Variants in VPS13B observed in about 807,000 individuals in gnomAD.
VPS13B encodes the protein vacuolar protein sorting 13 homolog B, also known as intermembrane lipid transfer protein VPS13B.
A neutral mutation model predicts 426.4 loss-of-function variants in VPS13B; 285 were observed. The ratio of observed to expected loss-of-function variants is 0.67; its 90% confidence interval spans 0.61 to 0.74. The LOEUF (loss-of-function observed/expected upper bound fraction) is 0.74. VPS13B is among the 30% of genes least tolerant of loss of function. The pLI is 0.00. For missense variants in VPS13B, 4,537 were observed against 4,782.6 expected (o/e 0.95, Z 1.51); for synonymous variants, 1,676 against 1,676.4 (o/e 1.00, Z 0.01).
chr8:99,047,986 C>T (rs1843319850), intron 3 of VPS13B, among the ~76,000 whole-genome samples: 1 of 152,190 alleles, frequency 6.6e-6, no homozygotes, highest in Non-Finnish European at 1.5e-5. Context: ...CTGTGCTCTG[C>T]TCTATGAACT....
intron 44 of VPS13B, among the ~76,000 whole-genome samples, chr8:99,809,816 T>G (rs1274339510): frequency 6.6e-6 from 1 of 152,158 alleles, no homozygotes; most frequent in African/African-American, 2.4e-5. Context: ...GTGGAGGTGC[T>G]AATGAGCTGT....
At chr8:99,475,770 G>A (rs1393484691) in intron 24 of VPS13B, among the ~76,000 whole-genome samples, 1 of 152,052 alleles carries the variant, frequency 6.6e-6, no homozygotes, top group East Asian at 1.9e-4. Context: ...CAGTTATCTG[G>A]CTTCCAGAGT....
chr8:99,832,447 C>A lies in VPS13B; in HGVS notation c.9409C>A (p.Pro3137Thr), dbSNP rs553756124. ...EQPAMKSSSL[P>T]CWDLMPDISQ... ...GCCTGCTATGAAATCCAGCTCCCTT[C>A]CTTGCTGGGACTTGATGCCTGACAT... Residue 3137 changes from proline (P) to threonine (T), a missense_variant, in exon 52 of 62, where the codon CCT (proline) becomes ACT (threonine). By Grantham distance (38) the Pro-to-Thr change is conservative (BLOSUM62 -1). Transcript: ENST00000357162. 6.2e-7 allele frequency: 1 copy of A among 1,606,966 alleles called. No homozygotes were observed. Among genetic ancestry groups the A allele is most frequent in the Non-Finnish European group, 8.5e-7 (1 of 1,177,544 alleles).
chr8:99,803,601 A>G (rs1813242868), intron 43 of VPS13B, among the ~76,000 whole-genome samples: 1 of 152,216 alleles, frequency 6.6e-6, no homozygotes, highest in African/African-American at 2.4e-5. Flanking sequence ...TTTTAGCATT[A>G]AAAGTTTCAG....
intron 22 of VPS13B, among the ~76,000 whole-genome samples, chr8:99,436,383 T>A (rs1021268846): frequency 6.6e-6 from 1 of 152,188 alleles, no homozygotes; most frequent in Admixed American, 6.5e-5. Flanking sequence ...GTGATTTTCC[T>A]CATTTTTCCT....
intron 31 of VPS13B, among the ~76,000 whole-genome samples, chr8:99,560,903 G>A (rs967922365): frequency 9.2e-5 from 14 of 152,068 alleles, no homozygotes; most frequent in African/African-American, 2.7e-4. Context: ...TCATAACAAA[G>A]AACATGAGCC....
intron 23 of VPS13B, among the ~76,000 whole-genome samples, chr8:99,445,598 A>G (rs1334361183): frequency 1.3e-5 from 2 of 151,372 alleles, no homozygotes. Flanking sequence ...GCTATGTTGG[A>G]AATTATTTTC....
In VPS13B at chr8:99,111,228, T is replaced by C. The variant is rs140808736; in HGVS notation, c.711T>C (p.Arg237=). The C allele has an allele frequency of 8.4e-5, 135 of 1,603,010 alleles. No individual in the cohort carries two copies. In the African/African-American group the frequency reaches 1.3e-3, roughly 16 times the overall value. The change falls in exon 6 of 62, where the codon CGT becomes CGC. Residue 237 remains arginine (R), a synonymous_variant. Transcript: ENST00000357162. ...PLLYKCSFRT[R]LHFTYENLNS... ...TATACAAATGTTCCTTCAGAACTCGTCTTCATTTTACATATGAAAACCTAA... is the reference window on the plus strand; with the variant it reads ...TATACAAATGTTCCTTCAGAACTCGCCTTCATTTTACATATGAAAACCTAA...
chr8:99,479,278 A>G (rs1263146291), intron 24 of VPS13B, among the ~76,000 whole-genome samples: 1 of 152,144 alleles, frequency 6.6e-6, no homozygotes, highest in African/African-American at 2.4e-5. Context: ...AATCTTTTTT[A>G]TGAACAGCTA....
chr8:99,156,004 GC>G (rs539022070), intron 14 of VPS13B, among the ~76,000 whole-genome samples: 72 of 152,250 alleles, frequency 4.7e-4, no homozygotes, highest in Admixed American at 9.8e-4. Context: ...AGAATACTGT[GC>G]CGTCCTCAAG....
intron 36 of VPS13B, among the ~76,000 whole-genome samples, chr8:99,712,446 A>G (rs1021364878): frequency 9.2e-5 from 14 of 152,214 alleles, no homozygotes; most frequent in Admixed American, 3.9e-4. Flanking sequence ...AAAGTCCCAT[A>G]AAGTTCCCCA....
At chr8:99,501,325 A>G (rs1821222966) in intron 25 of VPS13B, among the ~76,000 whole-genome samples, 1 of 152,158 alleles carries the variant, frequency 6.6e-6, no homozygotes, top group Non-Finnish European at 1.5e-5. Flanking sequence ...ACATGAACGG[A>G]TTTGGCTGTG....
intron 34 of VPS13B, among the ~76,000 whole-genome samples, chr8:99,648,911 G>A (rs1176811953): frequency 6.6e-6 from 1 of 150,844 alleles, no homozygotes; most frequent in Non-Finnish European, 1.5e-5. Context: ...GAGCAGAGCT[G>A]CTAGCAATAA....
Position 99,818,695 on chromosome 8 carries a change from A to C in VPS13B, c.8446-18A>C, listed in dbSNP as rs1381337695. 3 of 1,613,238 alleles carry C rather than the reference A, an allele frequency of 1.9e-6. No homozygotes were observed. Among genetic ancestry groups the C allele is most frequent in the Non-Finnish European group, 8.5e-7 (1 of 1,179,760 alleles). On this transcript the variant is annotated intron_variant, in intron 46 of 61. Coordinates refer to ENST00000357162, the MANE Select transcript of VPS13B (RefSeq NM_152564.5). ...ACAAAGCAAATATGAAAGTTGTTCT[A>C]TCCTTTTATTTTTATAGATTGTGTT...
At chr8:99,233,532 C>G (rs1031617164) in intron 17 of VPS13B, 98 of 1,154,658 alleles carry the variant, frequency 8.5e-5, no homozygotes, top group Non-Finnish European at 1.2e-4. Flanking sequence ...ACGGGCCAAA[C>G]TGGTGATGGG....
At chr8:99,840,944 G>T (rs1469287471) in intron 54 of VPS13B, among the ~76,000 whole-genome samples, 1 of 152,202 alleles carries the variant, frequency 6.6e-6, no homozygotes, top group African/African-American at 2.4e-5. Context: ...CAGTACTCCA[G>T]GGCACAGTCG....
At chr8:99,690,937 C>T (rs2130080747) in intron 35 of VPS13B, among the ~76,000 whole-genome samples, 1 of 152,254 alleles carries the variant, frequency 6.6e-6, no homozygotes, top group Non-Finnish European at 1.5e-5. Context: ...TATTCATCAT[C>T]ACCAAAAACT....
At chr8:99,655,436 G>A (rs540015221) in intron 34 of VPS13B, among the ~76,000 whole-genome samples, 1 of 152,152 alleles carries the variant, frequency 6.6e-6, no homozygotes, top group Non-Finnish European at 1.5e-5. Flanking sequence ...TCTCTTCTTC[G>A]TGTCCATAAA....
At chr8:99,535,849 A>T (rs940046101) in intron 30 of VPS13B, among the ~76,000 whole-genome samples, 2 of 152,164 alleles carry the variant, frequency 1.3e-5, no homozygotes, top group Admixed American at 1.3e-4. Context: ...CATTGTGAAA[A>T]CTTTTATCTC....
Sources: gnomAD v4.1 joint callset for allele counts (sites outside exome capture counted in the v4.1 genomes callset) on GRCh38, gnomAD v4.1.1 for gene constraint, MANE v1.5 for transcripts, NCBI Gene and HGNC (gene_info 2026-07-23, HGNC 2026-07-21) for gene names.